XRCC5: variants seen among roughly 807,000 people sequenced by gnomAD.
XRCC5 encodes the protein DNA repair protein Ku80.
XRCC5 carries 12 observed loss-of-function variants against 95.7 expected under a neutral mutation model. The observed-to-expected ratio is 0.13, with a 90% confidence interval of 0.08 to 0.20. The LOEUF (loss-of-function observed/expected upper bound fraction) is 0.20. Ranked by LOEUF, XRCC5 falls within the 10% of genes least tolerant of loss-of-function variation. The probability of loss-of-function intolerance (pLI) is 1.00; values close to 1 mark genes in which losing one functional copy is unlikely to be tolerated. For synonymous variants in XRCC5, 281 were observed against 290.3 expected, an observed-to-expected ratio of 0.97 and a Z score of 0.33; for missense variants, 595 against 873.9, an observed-to-expected ratio of 0.68 and a Z score of 4.02.
intron 2 of XRCC5, among the ~76,000 whole-genome samples, chr2:216,113,576 T>A (rs1212155088): frequency 6.6e-6 from 1 of 152,248 alleles, no homozygotes; most frequent in Non-Finnish European, 1.5e-5. Flanking sequence ...TTCATGGTTC[T>A]GTGGGATGAC....
chr2:216,198,526 A>T, intron 19 of XRCC5, among the ~76,000 whole-genome samples: 1 of 149,162 alleles, frequency 6.7e-6, no homozygotes, highest in East Asian at 2.0e-4. Flanking sequence ...CTTTGTATGA[A>T]AAATGCTTTT....
At chr2:216,148,509 C>T (rs1688680444) in intron 14 of XRCC5, among the ~76,000 whole-genome samples, 1 of 152,162 alleles carries the variant, frequency 6.6e-6, no homozygotes, top group African/African-American at 2.4e-5. Context: ...GGGCTGATGA[C>T]TTTTTGATCA....
At chr2:216,161,309 G>A (rs971641789) in intron 15 of XRCC5, among the ~76,000 whole-genome samples, 1 of 152,150 alleles carries the variant, frequency 6.6e-6, no homozygotes, top group Non-Finnish European at 1.5e-5. Flanking sequence ...GAGCTGAGTG[G>A]TTCTTAGGCC....
At chr2:216,147,468 C>T (rs1202189994) in intron 13 of XRCC5, among the ~76,000 whole-genome samples, 2 of 152,046 alleles carry the variant, frequency 1.3e-5, no homozygotes, top group Non-Finnish European at 2.9e-5. Flanking sequence ...GACTGGTAGG[C>T]CAGGGATGAG....
intron 2 of XRCC5, 52 bp downstream of exon 2, chr2:216,113,181 G>A (rs1033503135): frequency 1.4e-6 from 2 of 1,467,736 alleles, no homozygotes; most frequent in Non-Finnish European, 1.9e-6. Context: ...ACTGCTTGTT[G>A]CCTCTACCTA....
chr2:216,172,469 C>CTTTTT lies in XRCC5; in HGVS notation c.1834+10434_1834+10438dup, dbSNP rs746493174. On this transcript the variant is annotated intron_variant, in intron 16 of 20. Transcript: ENST00000392132. ...AAACTTTAGCATCAGCTTTTCTTTTCTTTTTTTTTTTTTTTTTGAGACAAA... is the reference window on the plus strand; with the variant it reads ...AAACTTTAGCATCAGCTTTTCTTTTCTTTTTTTTTTTTTTTTTTTTTTGAGACAAA... Among the ~76,000 whole-genome samples, 862 of 107,692 alleles carry CTTTTT rather than the reference C, an allele frequency of 8.0e-3. 77 individuals are homozygous for CTTTTT. Among genetic ancestry groups the CTTTTT allele is most frequent in the African/African-American group, 0.032 (813 of 25,438 alleles). The allele number at this position is 107,692 out of a possible 152,430, so 70.7% of individuals were successfully genotyped here.
chr2:216,162,028 A>G lies in XRCC5; in HGVS notation c.1814A>G (p.Lys605Arg), dbSNP rs778076339. ...AENFRVLVKQ[K>R]KASFEEASNQ... is the part of the protein sequence containing the mutation. Reference sequence around the variant, plus strand: ...AACTTCCGTGTTCTAGTGAAACAGAAGAAGGCCAGCTTTGAGGAAGGTGAG... The same window carrying G: ...AACTTCCGTGTTCTAGTGAAACAGAGGAAGGCCAGCTTTGAGGAAGGTGAG... Residue 605 changes from lysine (K) to arginine (R), a missense_variant, in exon 16 of 21, where the codon AAG becomes AGG. Physicochemically the swap from Lys to Arg is conservative, Grantham distance 26. Coordinates refer to ENST00000392132, the MANE Select transcript of XRCC5 (RefSeq NM_021141.4). 38 of 1,614,102 alleles carry G rather than the reference A, an allele frequency of 2.4e-5. No homozygotes were observed. Among genetic ancestry groups the G allele is most frequent in the African/African-American group, 9.3e-5 (7 of 74,950 alleles).
At chr2:216,156,746 C>T (rs1037614745) in intron 14 of XRCC5, 65 of 533,648 alleles carry the variant, frequency 1.2e-4, no homozygotes, top group African/African-American at 1.1e-3. Flanking sequence ...GAGGATTTTG[C>T]CGCTGCTCCA....
chr2:216,182,018 C>G (rs1232371126), intron 16 of XRCC5, among the ~76,000 whole-genome samples: 1 of 152,210 alleles, frequency 6.6e-6, no homozygotes, highest in Non-Finnish European at 1.5e-5. Context: ...GGAGTTATCA[C>G]ATAGAATGTG....
intron 4 of XRCC5, among the ~76,000 whole-genome samples, chr2:216,118,067 A>C (rs184535183): frequency 6.6e-6 from 1 of 152,304 alleles, no homozygotes; most frequent in Admixed American, 6.5e-5. Flanking sequence ...GCTGATTACC[A>C]GGAATTTTAA....
chr2:216,143,958 C>T (rs534817729), intron 13 of XRCC5, among the ~76,000 whole-genome samples: 16 of 152,134 alleles, frequency 1.1e-4, no homozygotes, highest in African/African-American at 3.9e-4. Context: ...TTGTGATCCG[C>T]CCGCCTCGGC....
At chr2:216,131,495 C>T (rs1696993285) in intron 9 of XRCC5, among the ~76,000 whole-genome samples, 1 of 152,034 alleles carries the variant, frequency 6.6e-6, no homozygotes, top group Non-Finnish European at 1.5e-5. Flanking sequence ...CAGAACTCTT[C>T]AATACTCATT....
At chr2:216,197,969 G>A (rs962598474) in intron 19 of XRCC5, among the ~76,000 whole-genome samples, 6 of 152,154 alleles carry the variant, frequency 3.9e-5, no homozygotes, top group African/African-American at 1.4e-4. Context: ...TAGAAAATAA[G>A]AGTAGTAGAA....
In XRCC5 at chr2:216,119,739, T is replaced by A. The variant is rs369030262; in HGVS notation, c.491+574T>A. Among the ~76,000 whole-genome samples, 50 of 152,368 alleles carry A rather than the reference T, an allele frequency of 3.3e-4. No individual in the cohort carries two copies. The East Asian group carries it at 7.1e-3, about 22-fold the overall frequency. On this transcript the variant is annotated intron_variant, in intron 5 of 20. Coordinates refer to ENST00000392132, the MANE Select transcript of XRCC5 (RefSeq NM_021141.4). ...AGTATAAAACTTCAGGGGAAAAATA[T>A]GTATTTCACAATTTATTAGGGAGAG... is the stretch of plus-strand genomic sequence containing the variant.
chr2:216,150,782 G>T (rs1688727506), intron 14 of XRCC5, among the ~76,000 whole-genome samples: 1 of 152,088 alleles, frequency 6.6e-6, no homozygotes, highest in East Asian at 1.9e-4. Flanking sequence ...CCAGCTACTT[G>T]TGAGGCTGAG....
chr2:216,187,104 A>G (rs562756536), intron 16 of XRCC5, among the ~76,000 whole-genome samples: 1 of 152,160 alleles, frequency 6.6e-6, no homozygotes, highest in Admixed American at 6.5e-5. Flanking sequence ...AGAATCATGG[A>G]CCAGATTTAC....
chr2:216,122,974 GA>G, intron 6 of XRCC5, among the ~76,000 whole-genome samples: 1 of 152,292 alleles, frequency 6.6e-6, no homozygotes, highest in African/African-American at 2.4e-5. Flanking sequence ...TTTGAGCAAA[GA>G]ACCTAAGAAG....
intron 10 of XRCC5, among the ~76,000 whole-genome samples, chr2:216,136,714 GA>G (rs1697087365): frequency 6.6e-6 from 1 of 152,184 alleles, no homozygotes; most frequent in Non-Finnish European, 1.5e-5. Context: ...CTAAGCAGTG[GA>G]AACAGCATGC....
intron 5 of XRCC5, among the ~76,000 whole-genome samples, chr2:216,120,767 G>A (rs41299752): frequency 0.012 from 1,893 of 152,034 alleles, 33 homozygotes; most frequent in African/African-American, 0.043. Flanking sequence ...ATGGAGTCTC[G>A]CACTGTTGCC....
Sources: gnomAD v4.1 joint callset for allele counts (sites outside exome capture counted in the v4.1 genomes callset) on GRCh38, gnomAD v4.1.1 for gene constraint, MANE v1.5 for transcripts, NCBI Gene and HGNC (gene_info 2026-07-23, HGNC 2026-07-21) for gene names.